The following TNFRSF21 variants were observed in gnomAD, a reference collection of about 807,000 sequenced individuals.
The protein encoded by TNFRSF21 is TNF receptor superfamily member 21, also known as tumor necrosis factor receptor superfamily member 21.
In TNFRSF21, 19 loss-of-function variants were observed where a neutral mutation model predicts 45.6. The ratio of observed to expected loss-of-function variants is 0.42; its 90% CI spans 0.29 to 0.61. The LOEUF is 0.61. Ranked by LOEUF, TNFRSF21 falls within the 20% of genes least tolerant of loss-of-function variation. The pLI is 0.23. For synonymous variants in TNFRSF21, 314 were observed against 335.5 expected (o/e 0.94, Z 0.70); for missense variants, 737 against 851.5 (o/e 0.87, Z 1.67).
chr6:47,281,820 CA>C (rs1561948221), intron 3 of TNFRSF21, among the ~76,000 whole-genome samples: 1 of 150,542 alleles, frequency 6.6e-6, no homozygotes, highest in Non-Finnish European at 1.5e-5. Flanking sequence ...GAATTATGTA[CA>C]AATAAAAAGA....
In TNFRSF21 at chr6:47,232,572, AAGAG is replaced by A. The variant is rs112278570; in HGVS notation, c.*189_*192del. 5.0e-5 allele frequency: 28 copies of A among 557,472 alleles called. No homozygotes were observed. The highest frequency in any genetic ancestry group is 6.5e-5 in the Non-Finnish European group (21 of 321,300). 34.5% of individuals were successfully genotyped at this position (557,472 alleles called of 1,614,324 possible). A position where few individuals can be genotyped will look rare whatever the true frequency, so the allele number is the denominator to read the frequency against. On this transcript the variant is annotated 3_prime_UTR_variant, in exon 6 of 6. Coordinates refer to ENST00000296861, the MANE Select transcript of TNFRSF21 (RefSeq NM_014452.5). ...TCCCAGAAGAGTTATTTAAAAAAAA[AAGAG>A]AGAGAGAGAAGGAGAAAGAACTCAA...
chr6:47,273,400 C>T (rs1762454711), intron 3 of TNFRSF21, among the ~76,000 whole-genome samples: 1 of 152,128 alleles, frequency 6.6e-6, no homozygotes, highest in Admixed American at 6.6e-5. Context: ...ATAAACAGAA[C>T]CAACGACAAA....
intron 4 of TNFRSF21, among the ~76,000 whole-genome samples, chr6:47,237,922 C>A (rs1487776654): frequency 6.6e-6 from 1 of 152,114 alleles, no homozygotes; most frequent in Non-Finnish European, 1.5e-5. Context: ...TGGTGGCAGG[C>A]GCCTGTAATC....
At chr6:47,266,771 T>A (rs930163549) in intron 3 of TNFRSF21, among the ~76,000 whole-genome samples, 4 of 152,200 alleles carry the variant, frequency 2.6e-5, no homozygotes, top group African/African-American at 9.7e-5. Context: ...GATTTTAAGA[T>A]GAAAAGAGAC....
chr6:47,302,567 T>A (rs1049518434), intron 1 of TNFRSF21, among the ~76,000 whole-genome samples: 1 of 152,194 alleles, frequency 6.6e-6, no homozygotes, highest in African/African-American at 2.4e-5. Flanking sequence ...AGTCACACCA[T>A]AGGAAAATGC....
chr6:47,286,859 T>C (rs1209829695), intron 1 of TNFRSF21, among the ~76,000 whole-genome samples: 1 of 152,192 alleles, frequency 6.6e-6, no homozygotes, highest in Admixed American at 6.5e-5. Context: ...TTTTTTTCCA[T>C]TTGTAAAATG....
chr6:47,274,346 C>T (rs1762466359), intron 3 of TNFRSF21, among the ~76,000 whole-genome samples: 1 of 152,098 alleles, frequency 6.6e-6, no homozygotes, highest in African/African-American at 2.4e-5. Context: ...ACATCTATAA[C>T]CACCTGATCT....
chr6:47,295,558 C>G (rs750084434), intron 1 of TNFRSF21, among the ~76,000 whole-genome samples: 7 of 152,128 alleles, frequency 4.6e-5, no homozygotes, highest in Non-Finnish European at 1.0e-4. Flanking sequence ...AACATGATAA[C>G]AGATGATCTA....
chr6:47,271,719 CA>C (rs1193099467), intron 3 of TNFRSF21, among the ~76,000 whole-genome samples: 3 of 151,778 alleles, frequency 2.0e-5, no homozygotes, highest in African/African-American at 7.3e-5. Context: ...CACAGACTGG[CA>C]AATTGGATAA....
At chr6:47,270,526 C>A (rs1171200292) in intron 3 of TNFRSF21, among the ~76,000 whole-genome samples, 1 of 152,086 alleles carries the variant, frequency 6.6e-6, no homozygotes, top group East Asian at 1.9e-4. Flanking sequence ...ACATCAAAGA[C>A]CAAAGGTAGA....
intron 1 of TNFRSF21, among the ~76,000 whole-genome samples, chr6:47,305,367 A>C (rs1315053295): frequency 6.6e-6 from 1 of 152,132 alleles, no homozygotes; most frequent in Non-Finnish European, 1.5e-5. Flanking sequence ...TCTCTCAACC[A>C]AAAAATACAG....
At chr6:47,302,475 GC>G (rs1762877613) in intron 1 of TNFRSF21, among the ~76,000 whole-genome samples, 2 of 152,300 alleles carry the variant, frequency 1.3e-5, no homozygotes, top group East Asian at 3.9e-4. Flanking sequence ...TAGCAGGAAA[GC>G]AAAGGATCCA....
intron 3 of TNFRSF21, among the ~76,000 whole-genome samples, chr6:47,282,434 C>T (rs1561948482): frequency 4.0e-5 from 6 of 150,160 alleles, no homozygotes; most frequent in East Asian, 3.9e-4. Flanking sequence ...GAATTTGTGT[C>T]GGGCTGCATT....
At chr6:47,289,469 CA>C (rs570251955) in intron 1 of TNFRSF21, among the ~76,000 whole-genome samples, 2 of 151,902 alleles carry the variant, frequency 1.3e-5, no homozygotes, top group Non-Finnish European at 2.9e-5. Flanking sequence ...CCTCCCCCAA[CA>C]AAAAAAGGAC....
At chr6:47,279,925 C>A (rs561547399) in intron 3 of TNFRSF21, among the ~76,000 whole-genome samples, 1 of 152,298 alleles carries the variant, frequency 6.6e-6, no homozygotes, top group East Asian at 1.9e-4. Context: ...ACCACAGCAC[C>A]TTTATTCTTC....
intron 3 of TNFRSF21, among the ~76,000 whole-genome samples, chr6:47,277,990 C>T (rs1490892424): frequency 1.3e-5 from 2 of 152,170 alleles, no homozygotes; most frequent in Non-Finnish European, 2.9e-5. Flanking sequence ...ATTTACGAAG[C>T]TGCCTTGGCC....
At chr6:47,304,341 C>T (rs1281279404) in intron 1 of TNFRSF21, among the ~76,000 whole-genome samples, 1 of 151,706 alleles carries the variant, frequency 6.6e-6, no homozygotes, top group Non-Finnish European at 1.5e-5. Flanking sequence ...AGTTTACATG[C>T]TTTATGAAGG....
intron 1 of TNFRSF21, among the ~76,000 whole-genome samples, chr6:47,304,875 G>C (rs1159456545): frequency 6.6e-6 from 1 of 152,154 alleles, no homozygotes; most frequent in Non-Finnish European, 1.5e-5. Flanking sequence ...AGATGACAGA[G>C]CTCAATTCCA....
At chr6:47,294,218 A>G (rs1019592738) in intron 1 of TNFRSF21, among the ~76,000 whole-genome samples, 1 of 152,160 alleles carries the variant, frequency 6.6e-6, no homozygotes, top group Non-Finnish European at 1.5e-5. Flanking sequence ...ATCTCAGCTC[A>G]CTGCAACCTC....
Sources: gnomAD v4.1 joint callset for allele counts (sites outside exome capture counted in the v4.1 genomes callset) on GRCh38, gnomAD v4.1.1 for gene constraint, MANE v1.5 for transcripts, NCBI Gene and HGNC (gene_info 2026-07-23, HGNC 2026-07-21) for gene names.